TSHZ2: variants seen among roughly 807,000 people sequenced by gnomAD.
TSHZ2 encodes teashirt homolog 2.
TSHZ2 carries 21 observed loss-of-function variants against 74.4 expected under a neutral mutation model. That is an observed-to-expected ratio of 0.28 (90% CI 0.20 to 0.41). The LOEUF (loss-of-function observed/expected upper bound fraction) is 0.41. Among genes scored for constraint, TSHZ2 ranks in the 10% least tolerant of loss-of-function variants. TSHZ2 has a pLI of 1.00. For synonymous variants in TSHZ2, 540 were observed against 515.3 expected, an observed-to-expected ratio of 1.05 and a Z score of -0.65; for missense variants, 1,244 against 1,293.5, an observed-to-expected ratio of 0.96 and a Z score of 0.59.
chr20:53,129,615 T>C (rs1484753354), intron 1 of TSHZ2, among the ~76,000 whole-genome samples: 1 of 152,198 alleles, frequency 6.6e-6, no homozygotes, highest in Non-Finnish European at 1.5e-5. Context: ...AGTGCTCTTC[T>C]TTACATTTTT....
intron 1 of TSHZ2, among the ~76,000 whole-genome samples, chr20:53,238,612 G>A (rs949096554): frequency 3.3e-5 from 5 of 152,064 alleles, no homozygotes; most frequent in Admixed American, 6.6e-5. Context: ...CAAATGATCA[G>A]ATATTTAAAC....
intron 1 of TSHZ2, among the ~76,000 whole-genome samples, chr20:53,059,868 C>T (rs1449370913): frequency 6.6e-6 from 1 of 152,186 alleles, no homozygotes. Flanking sequence ...AATACCCAGT[C>T]GTTCAAAATT....
intron 2 of TSHZ2, among the ~76,000 whole-genome samples, chr20:53,284,321 T>G (rs966893843): frequency 6.6e-6 from 1 of 152,216 alleles, no homozygotes; most frequent in African/African-American, 2.4e-5. Context: ...ATATTAAAAA[T>G]GTACTAACAG....
At chr20:53,252,120 T>C (rs1257919370) in intron 1 of TSHZ2, among the ~76,000 whole-genome samples, 1 of 152,230 alleles carries the variant, frequency 6.6e-6, no homozygotes, top group Non-Finnish European at 1.5e-5. Context: ...CAGCAATTGC[T>C]CAATAAATAT....
At chr20:53,402,436 C>T (rs1432307735) in intron 2 of TSHZ2, among the ~76,000 whole-genome samples, 1 of 152,124 alleles carries the variant, frequency 6.6e-6, no homozygotes, top group African/African-American at 2.4e-5. Context: ...CTAGGAGCCA[C>T]AGGATATACC....
At chr20:53,173,872 T>C (rs1292372787) in intron 1 of TSHZ2, among the ~76,000 whole-genome samples, 2 of 152,184 alleles carry the variant, frequency 1.3e-5, no homozygotes, top group Non-Finnish European at 2.9e-5. Flanking sequence ...GATCTTGTTT[T>C]GTTTTGTTTG....
intron 2 of TSHZ2, among the ~76,000 whole-genome samples, chr20:53,469,062 T>TATATATATAC (rs1555872260): frequency 1.6e-5 from 2 of 123,554 alleles, no homozygotes; most frequent in African/African-American, 6.1e-5. Flanking sequence ...TATATATATA[T>TATATATATAC]ATATATATAT....
chr20:53,112,323 C>G (rs1986556488), intron 1 of TSHZ2, among the ~76,000 whole-genome samples: 1 of 152,182 alleles, frequency 6.6e-6, no homozygotes, highest in Non-Finnish European at 1.5e-5. Context: ...GTTCTTCAAG[C>G]CAGCAACCAC....
intron 2 of TSHZ2, among the ~76,000 whole-genome samples, chr20:53,308,948 G>A (rs1978661414): frequency 6.6e-6 from 1 of 152,182 alleles, no homozygotes; most frequent in South Asian, 2.1e-4. Context: ...CAGCAGTTGG[G>A]GAAGAGGGCT....
chr20:53,212,755 C>G (rs1422308976), intron 1 of TSHZ2, among the ~76,000 whole-genome samples: 1 of 152,102 alleles, frequency 6.6e-6, no homozygotes. Context: ...AGGTGTGGTC[C>G]CCCAGATTGA....
chr20:53,009,713 A>G (rs1370396201), intron 1 of TSHZ2, among the ~76,000 whole-genome samples: 1 of 152,208 alleles, frequency 6.6e-6, no homozygotes, highest in Non-Finnish European at 1.5e-5. Context: ...CCAGTCAAAA[A>G]GCTTCTGCCC....
intron 1 of TSHZ2, among the ~76,000 whole-genome samples, chr20:53,135,975 A>C (rs1181191710): frequency 1.3e-5 from 2 of 152,194 alleles, no homozygotes; most frequent in African/African-American, 4.8e-5. Context: ...CTTATAACAG[A>C]ATATCTAAAA....
intron 2 of TSHZ2, among the ~76,000 whole-genome samples, chr20:53,324,221 G>C (rs951182510): frequency 6.6e-6 from 1 of 152,144 alleles, no homozygotes; most frequent in Non-Finnish European, 1.5e-5. Context: ...ATATGAGTGA[G>C]GTTTTTGTGT....
At position 53,255,172 on chromosome 20, in the gene TSHZ2, A is replaced by T; in HGVS notation, c.1714A>T (p.Thr572Ser). 1.2e-6 allele frequency: 2 copies of T among 1,613,990 alleles called. No individual in the cohort carries two copies. Among genetic ancestry groups the T allele is most frequent in the Non-Finnish European group, 1.7e-6 (2 of 1,179,990 alleles). The change falls in exon 2 of 3, where the codon ACC becomes TCC. Residue 572 changes from threonine to serine, a missense_variant. By Grantham distance (58) the Thr-to-Ser change is moderately conservative. Coordinates refer to ENST00000371497, the MANE Select transcript of TSHZ2 (RefSeq NM_173485.6). This position sits in a 1 kb window ranked among gnomAD's most constrained non-coding sequence, Gnocchi z 4.1. The part of the protein sequence containing the change: ...SQVLQIRPNL[T>S]NKLRPIAPKW... ...GGTACTGCAGATCCGGCCTAATCTCACCAACAAGCTGAGGCCCATTGCACC... is the reference window on the plus strand; with the variant it reads ...GGTACTGCAGATCCGGCCTAATCTCTCCAACAAGCTGAGGCCCATTGCACC...
intron 2 of TSHZ2, among the ~76,000 whole-genome samples, chr20:53,420,111 G>A (rs1249705047): frequency 2.0e-5 from 3 of 152,220 alleles, no homozygotes; most frequent in Non-Finnish European, 4.4e-5. Context: ...CACTCCTGGT[G>A]TTCACACTGG....
At chr20:53,067,631 C>G (rs184577201) in intron 1 of TSHZ2, among the ~76,000 whole-genome samples, 1 of 152,332 alleles carries the variant, frequency 6.6e-6, no homozygotes, top group East Asian at 1.9e-4. Context: ...AAGTACTTTC[C>G]CACTCCATCT....
intron 2 of TSHZ2, among the ~76,000 whole-genome samples, chr20:53,268,854 T>C (rs1990772460): frequency 6.6e-6 from 1 of 152,168 alleles, no homozygotes; most frequent in Non-Finnish European, 1.5e-5. Flanking sequence ...AGAGGTCAGA[T>C]CAGGCTTCGG....
intron 2 of TSHZ2, among the ~76,000 whole-genome samples, chr20:53,285,728 A>G (rs956813395): frequency 6.6e-6 from 1 of 151,480 alleles, no homozygotes; most frequent in African/African-American, 2.4e-5. Context: ...AGAGAAAAAA[A>G]AAAGAAAGAA....
intron 1 of TSHZ2, among the ~76,000 whole-genome samples, chr20:53,035,838 A>G (rs1384355032): frequency 6.6e-6 from 1 of 152,170 alleles, no homozygotes; most frequent in Non-Finnish European, 1.5e-5. Flanking sequence ...TCACTTTTAT[A>G]CTACAAAGAT....
Sources: allele counts gnomAD v4.1 joint callset (sites outside exome capture counted in the v4.1 genomes callset), GRCh38; gene constraint gnomAD v4.1.1; non-coding constraint Gnocchi (gnomAD v3.1); transcripts MANE v1.5; gene names NCBI Gene and HGNC (gene_info 2026-07-23, HGNC 2026-07-21).